Variants in ARID2 observed in about 807,000 individuals in gnomAD.
ARID2 encodes the protein AT-rich interactive domain-containing protein 2.
ARID2 carries 32 observed loss-of-function variants against 184.6 expected under a neutral mutation model. The observed-to-expected ratio is 0.17, with a 90% CI of 0.13 to 0.23. The LOEUF (loss-of-function observed/expected upper bound fraction) is 0.23, where lower values mean the gene tolerates loss of function less well. Among genes scored for constraint, ARID2 ranks in the 10% least tolerant of loss-of-function variants. The pLI is 1.00. For synonymous variants in ARID2, 836 were observed against 772.6 expected, an observed-to-expected ratio of 1.08 and a Z score of -1.36; for missense variants, 1,696 against 2,197.6, an observed-to-expected ratio of 0.77 and a Z score of 4.56.
At chr12:45,871,362 T>C (rs1179339690) in intron 16 of ARID2, among the ~76,000 whole-genome samples, 1 of 152,228 alleles carries the variant, frequency 6.6e-6, no homozygotes, top group Non-Finnish European at 1.5e-5. Flanking sequence ...CTGCGTCTAT[T>C]GCTATGATCA....
At chr12:45,818,094 T>G (rs576503338) in intron 5 of ARID2, among the ~76,000 whole-genome samples, 12 of 152,260 alleles carry the variant, frequency 7.9e-5, no homozygotes, top group Non-Finnish European at 1.5e-4. Flanking sequence ...GTTTTTGAAG[T>G]AAAAGTCCTG....
chr12:45,857,900 C>T (rs1468703417), intron 15 of ARID2, among the ~76,000 whole-genome samples: 1 of 152,148 alleles, frequency 6.6e-6, no homozygotes, highest in Non-Finnish European at 1.5e-5. Context: ...GCTGGCACTA[C>T]AGGTGCACAC....
rs558534683 is a variant in ARID2, at chr12:45,895,027, G to T, written c.5363+1306G>T. On this transcript the variant is annotated intron_variant, in intron 20 of 20. Transcript: ENST00000334344. ...ATATCTGCTTATCCTTCATGATTCA[G>T]TTCAGACATGAGTTTCTTTGTGTAG... Among the ~76,000 whole-genome samples the T allele has an allele frequency of 1.4e-4, 22 of 152,250 alleles. 1 individual carries two copies. The highest frequency in any genetic ancestry group is 9.8e-4 in the Admixed American group (15 of 15,298).
chr12:45,888,001 C>T (rs1158197009), intron 16 of ARID2, among the ~76,000 whole-genome samples: 1 of 152,108 alleles, frequency 6.6e-6, no homozygotes, highest in Non-Finnish European at 1.5e-5. Context: ...TGAGACCATC[C>T]TGGCTAACAC....
intron 6 of ARID2, among the ~76,000 whole-genome samples, chr12:45,822,507 T>G (rs564941268): frequency 2.6e-5 from 4 of 152,100 alleles, no homozygotes; most frequent in African/African-American, 7.2e-5. Context: ...GCCACTGCAC[T>G]CTAGTCTGGG....
chr12:45,843,396 G>C (rs1943387649), intron 11 of ARID2, among the ~76,000 whole-genome samples: 2 of 146,090 alleles, frequency 1.4e-5, no homozygotes, highest in Admixed American at 1.4e-4. Flanking sequence ...TTTTTCTAAA[G>C]ACAGCGTCTC....
intron 5 of ARID2, among the ~76,000 whole-genome samples, chr12:45,818,796 A>G (rs1235585582): frequency 6.6e-6 from 1 of 152,068 alleles, no homozygotes; most frequent in Non-Finnish European, 1.5e-5. Context: ...ATTTGGGATT[A>G]TTTAGGTAGG....
intron 4 of ARID2, among the ~76,000 whole-genome samples, chr12:45,815,599 TTGTGTGTGTG>T (rs376716014): frequency 1.3e-5 from 2 of 149,736 alleles, no homozygotes; most frequent in East Asian, 1.9e-4. Context: ...CTTAAAGAGA[TTGTGTGTGTG>T]TGTGTGTGTG....
intron 3 of ARID2, among the ~76,000 whole-genome samples, chr12:45,806,665 TC>T (rs1942608357): frequency 6.6e-6 from 1 of 151,194 alleles, no homozygotes; most frequent in Non-Finnish European, 1.5e-5. Flanking sequence ...TCTCTGTTTT[TC>T]TCTCTCTTTT....
intron 11 of ARID2, chr12:45,840,396 C>A (rs1473116578): frequency 6.6e-6 from 1 of 152,124 alleles, no homozygotes; most frequent in African/African-American, 2.4e-5. Context: ...AACTTATTAG[C>A]ATCTGGACTC....
intron 15 of ARID2, among the ~76,000 whole-genome samples, chr12:45,857,726 C>T (rs149429628): frequency 9.9e-4 from 150 of 152,160 alleles, no homozygotes; most frequent in African/African-American, 3.4e-3. Flanking sequence ...AAGACTTATA[C>T]ATTTAGCTAA....
intron 3 of ARID2, 121 bp downstream of exon 3, chr12:45,731,435 A>G (rs1467458580): frequency 3.1e-6 from 2 of 651,854 alleles, no homozygotes; most frequent in Non-Finnish European, 5.4e-6. Context: ...TGTTCATTTC[A>G]GACTGAGACA....
intron 18 of ARID2, among the ~76,000 whole-genome samples, chr12:45,893,197 T>C (rs2136461608): frequency 6.6e-6 from 1 of 152,282 alleles, no homozygotes; most frequent in Non-Finnish European, 1.5e-5. Flanking sequence ...AATTGATAGA[T>C]TGGAAAATAA....
Position 45,850,782 on chromosome 12 carries a change from C to G in ARID2, c.2659C>G (p.Gln887Glu), listed in dbSNP as rs2138165087. 6.2e-7 allele frequency: 1 copy of G among 1,614,140 alleles called. No individual in the cohort carries two copies. Among genetic ancestry groups the G allele is most frequent in the Non-Finnish European group, 8.5e-7 (1 of 1,180,002 alleles). ...MVTIAGVPSP[Q>E]ASRVGFQNIA... ...TACTATTGCTGGTGTCCCAAGTCCA[C>G]AAGCCTCAAGGGTAGGGTTTCAGAA... is the stretch of plus-strand genomic sequence containing the variant. Residue 887 changes from glutamine to glutamate, a missense_variant, in exon 15 of 21, where the codon CAA (glutamine) becomes GAA (glutamate). By Grantham distance (29) the Gln-to-Glu change is conservative. Transcript: ENST00000334344.
At chr12:45,899,608 AAT>A (rs991280640) in intron 20 of ARID2, among the ~76,000 whole-genome samples, 1 of 142,652 alleles carries the variant, frequency 7.0e-6, no homozygotes, top group East Asian at 2.0e-4. Flanking sequence ...TCCATCTCAA[AAT>A]ATATATATAT....
intron 3 of ARID2, among the ~76,000 whole-genome samples, chr12:45,755,396 A>G (rs935510391): frequency 5.3e-5 from 8 of 152,222 alleles, no homozygotes; most frequent in Non-Finnish European, 8.8e-5. Flanking sequence ...GATTATTTTT[A>G]TAGAATATTA....
intron 3 of ARID2, among the ~76,000 whole-genome samples, chr12:45,795,433 CTTTT>C (rs1565598929): frequency 6.6e-6 from 1 of 151,720 alleles, no homozygotes; most frequent in African/African-American, 2.4e-5. Context: ...TTTTCTTTTT[CTTTT>C]TTATTTTTTT....
intron 6 of ARID2, among the ~76,000 whole-genome samples, chr12:45,827,395 A>G (rs1259880436): frequency 2.6e-5 from 4 of 152,174 alleles, no homozygotes; most frequent in African/African-American, 9.6e-5. Flanking sequence ...GAACTAATTT[A>G]TTTGGTAAAA....
intron 3 of ARID2, among the ~76,000 whole-genome samples, chr12:45,762,359 C>T (rs1239011355): frequency 6.6e-6 from 1 of 152,202 alleles, no homozygotes; most frequent in Non-Finnish European, 1.5e-5. Context: ...TGTCCGTAGG[C>T]ACTGCTTACA....
Sources: gnomAD v4.1 joint callset for allele counts (sites outside exome capture counted in the v4.1 genomes callset) on GRCh38, gnomAD v4.1.1 for gene constraint, MANE v1.5 for transcripts, NCBI Gene and HGNC (gene_info 2026-07-23, HGNC 2026-07-21) for gene names.